BRD7: variants seen among roughly 807,000 people sequenced by gnomAD.
BRD7 encodes bromodomain-containing protein 7.
BRD7 carries 15 observed loss-of-function variants against 82.1 expected under a neutral mutation model. That is an observed-to-expected ratio of 0.18 (90% confidence interval 0.12 to 0.28). The LOEUF (loss-of-function observed/expected upper bound fraction) is 0.28. Among genes scored for constraint, BRD7 ranks in the 10% least tolerant of loss-of-function variants. The pLI is 1.00. For synonymous variants in BRD7, 232 were observed against 266.9 expected (o/e 0.87, Z 1.27); for missense variants, 638 against 779.9 (o/e 0.82, Z 2.17).
intron 1 of BRD7, 50 bp downstream of exon 1, chr16:50,368,676 C>G: frequency 1.3e-6 from 2 of 1,537,356 alleles, no homozygotes; most frequent in Non-Finnish European, 1.8e-6. Flanking sequence ...GAGCGGAAGC[C>G]CGGCAGAGCC....
At chr16:50,342,698 G>C (rs945941643) in intron 5 of BRD7, among the ~76,000 whole-genome samples, 1 of 151,974 alleles carries the variant, frequency 6.6e-6, no homozygotes, top group Admixed American at 6.6e-5. Context: ...TGGGATTACA[G>C]GTGTAAGCCA....
chr16:50,364,124 G>A (rs186548297), intron 2 of BRD7, among the ~76,000 whole-genome samples: 1 of 151,766 alleles, frequency 6.6e-6, no homozygotes, highest in African/African-American at 2.4e-5. Flanking sequence ...AGGTGACTGT[G>A]TGATTAGGTT....
chr16:50,326,402 A>C lies in BRD7; in HGVS notation c.1088-11T>G. On this transcript the variant is annotated splice_polypyrimidine_tract_variant and intron_variant, in intron 9 of 16. Coordinates refer to ENST00000394688, the MANE Select transcript of BRD7 (RefSeq NM_013263.5). ...GGCAGTAGCCTGGCTCTACAACATAAAACAGAGCACAGTGAAGGAGGCCTA... is the reference window on the plus strand; with the variant it reads ...GGCAGTAGCCTGGCTCTACAACATACAACAGAGCACAGTGAAGGAGGCCTA... 6.5e-7 allele frequency: 1 copy of C among 1,549,428 alleles called. No individual in the cohort carries two copies. Among genetic ancestry groups the C allele is most frequent in the South Asian group, 1.2e-5 (1 of 83,616 alleles).
chr16:50,366,163 G>A (rs188260017), intron 2 of BRD7, among the ~76,000 whole-genome samples: 11 of 152,250 alleles, frequency 7.2e-5, no homozygotes, highest in African/African-American at 2.6e-4. Context: ...CCTGTATGAG[G>A]GCAGAATACA....
At chr16:50,368,009 G>C in intron 2 of BRD7, 81 bp downstream of exon 2, 9 of 1,393,912 alleles carry the variant, frequency 6.5e-6, no homozygotes, top group Admixed American at 1.7e-5. Context: ...GTTTTCCCCA[G>C]ATACAAAGAA....
At chr16:50,349,954 A>G (rs766285188) in intron 5 of BRD7, 69 bp downstream of exon 5, 73 of 1,326,452 alleles carry the variant, frequency 5.5e-5, no homozygotes, top group Non-Finnish European at 6.8e-5. Flanking sequence ...AAGGTCAATG[A>G]GAAAGATTCT....
At chr16:50,349,987 T>C in intron 5 of BRD7, 36 bp downstream of exon 5, 2 of 1,477,624 alleles carry the variant, frequency 1.4e-6, no homozygotes, top group Non-Finnish European at 1.8e-6. Context: ...TGCAGATTTC[T>C]ACCAAGATTT....
rs145256067 is a variant in BRD7, at chr16:50,354,583, C to T, written c.389-101G>A. ...TACAACCATTATTAAATATCTCATACAGAAATTCCATTTATCTTAAAAATA... is the reference window on the plus strand; with the variant it reads ...TACAACCATTATTAAATATCTCATATAGAAATTCCATTTATCTTAAAAATA... On this transcript the variant is annotated intron_variant, in intron 3 of 16. Coordinates refer to ENST00000394688, the MANE Select transcript of BRD7 (RefSeq NM_013263.5). The T allele has an allele frequency of 1.4e-3, 1,743 of 1,206,018 alleles. 25 individuals are homozygous for T. The African/African-American group carries it at 0.022, about 15-fold the overall frequency. 74.7% of individuals were successfully genotyped at this position (1,206,018 alleles called of 1,614,324 possible). A position where few individuals can be genotyped will look rare whatever the true frequency, so the allele number is the denominator to read the frequency against.
At chr16:50,350,818 A>G (rs1456416991) in intron 4 of BRD7, among the ~76,000 whole-genome samples, 3 of 152,236 alleles carry the variant, frequency 2.0e-5, no homozygotes, top group African/African-American at 7.2e-5. Flanking sequence ...CTAGAATCAC[A>G]CAGGAGCTTT....
intron 4 of BRD7, among the ~76,000 whole-genome samples, chr16:50,351,253 T>C (rs2038511095): frequency 6.6e-6 from 1 of 152,140 alleles, no homozygotes; most frequent in Non-Finnish European, 1.5e-5. Flanking sequence ...CTCAGTGAGG[T>C]TGAAATTATC....
At chr16:50,366,555 C>T (rs1567294611) in intron 2 of BRD7, among the ~76,000 whole-genome samples, 1 of 152,062 alleles carries the variant, frequency 6.6e-6, no homozygotes, top group Non-Finnish European at 1.5e-5. Context: ...TTGATTTAAC[C>T]AATAATTGTG....
rs150946953 is a variant in BRD7, at chr16:50,363,666, C to T, written c.258+4424G>A. On this transcript the variant is annotated intron_variant, in intron 2 of 16. Coordinates refer to ENST00000394688, the MANE Select transcript of BRD7 (RefSeq NM_013263.5). ...TTGTGTGTGTGTGTGTGTGTGCGCG[C>T]GCGCGCGTGCGCGTGTGCTTCCCCC... Among the ~76,000 whole-genome samples the T allele has an allele frequency of 3.4e-3, 463 of 135,690 alleles. 6 individuals are homozygous for T. The highest frequency in any genetic ancestry group is 0.015 in the South Asian group (65 of 4,226). 89.0% of individuals were successfully genotyped at this position (135,690 alleles called of 152,430 possible). A position where few individuals can be genotyped will look rare whatever the true frequency, so the allele number is the denominator to read the frequency against.
At chr16:50,320,938 T>C (rs2037074008) in intron 13 of BRD7, among the ~76,000 whole-genome samples, 164 bp from the exon 14 acceptor site, 1 of 152,242 alleles carries the variant, frequency 6.6e-6, no homozygotes, top group African/African-American at 2.4e-5. Context: ...CAGAACACCC[T>C]TTTAAAATGC....
rs2038647191 is a variant in BRD7, at chr16:50,354,231, T to C, written c.446+194A>G. On this transcript the variant is annotated intron_variant, in intron 4 of 16. Transcript: ENST00000394688. The stretch of plus-strand genomic sequence containing the variant: ...AAAGTATTATGTAACACCCTTCAAG[T>C]TGCCAGGGAAACAAACCAAATAAAG... 2.0e-5 allele frequency among the ~76,000 whole-genome samples: 3 copies of C among 152,226 alleles called. No individual in the cohort carries two copies. The South Asian group carries it at 6.2e-4, about 31-fold the overall frequency.
rs1316012554 is a variant in BRD7 at position 50,334,775 on chromosome 16, C to G, written c.823G>C (p.Glu275Gln). 1 of 1,613,960 alleles carries G rather than the reference C, an allele frequency of 6.2e-7. No individual in the cohort carries two copies. Among genetic ancestry groups the G allele is most frequent in the East Asian group, 2.2e-5 (1 of 44,894 alleles). Reference sequence around the variant, plus strand: ...TCGGCATCTCCAGAGTCCTCTCTCTCTCTCTGCCAGCAGCCTCCGTCCTCC... The same window carrying G: ...TCGGCATCTCCAGAGTCCTCTCTCTGTCTCTGCCAGCAGCCTCCGTCCTCC... ...SGEDGGCWQR[E>Q]REDSGDAEAH... Residue 275 changes from glutamate to glutamine, a missense_variant, in exon 7 of 17, where the codon GAG becomes CAG. Glu to Gln is a conservative substitution (Grantham distance 29). Around this residue, in one of 3 missense-constraint regions of BRD7, gnomAD observed 402 missense variants for 500.8 expected, o/e 0.80. Coordinates refer to ENST00000394688, the MANE Select transcript of BRD7 (RefSeq NM_013263.5).
intron 12 of BRD7, 38 bp from the exon 13 acceptor site, chr16:50,322,076 C>A: frequency 6.6e-7 from 1 of 1,514,526 alleles, no homozygotes; most frequent in South Asian, 1.2e-5. Flanking sequence ...TAGGAAAACA[C>A]ATGAAGGCGA....
intron 4 of BRD7, among the ~76,000 whole-genome samples, chr16:50,352,593 T>C (rs2038572493): frequency 6.6e-6 from 1 of 152,218 alleles, no homozygotes; most frequent in African/African-American, 2.4e-5. Context: ...ATGGTAGTTC[T>C]ATTTTTAATT....
chr16:50,365,736 T>G (rs576230745), intron 2 of BRD7, among the ~76,000 whole-genome samples: 3 of 152,128 alleles, frequency 2.0e-5, no homozygotes, highest in South Asian at 4.2e-4. Flanking sequence ...AGTCAGAAAT[T>G]TTAGGGATGT....
At chr16:50,366,606 T>C (rs1023517877) in intron 2 of BRD7, among the ~76,000 whole-genome samples, 1 of 152,244 alleles carries the variant, frequency 6.6e-6, no homozygotes, top group Non-Finnish European at 1.5e-5. Context: ...AATTCTCATC[T>C]TCCATAACAT....
Sources: gnomAD v4.1 joint callset for allele counts (sites outside exome capture counted in the v4.1 genomes callset) on GRCh38, gnomAD v4.1.1 for gene constraint, gnomAD v4.1.1 regional missense constraint, MANE v1.5 for transcripts, NCBI Gene and HGNC (gene_info 2026-07-23, HGNC 2026-07-21) for gene names.